Variants in ADCK1 observed in about 807,000 individuals in gnomAD.
ADCK1 encodes the protein aarF domain-containing protein kinase 1.
Under a neutral mutation model 52.3 loss-of-function variants are expected in ADCK1, and 41 were observed. The ratio of observed to expected loss-of-function variants is 0.78; its 90% CI spans 0.61 to 1.02. The LOEUF (loss-of-function observed/expected upper bound fraction) is 1.02, where lower values mean the gene tolerates loss of function less well. Ranked by LOEUF, ADCK1 falls within the 50% of genes least tolerant of loss-of-function variation. The pLI, the probability that ADCK1 is intolerant of heterozygous loss-of-function variation, is 0.00. For missense variants in ADCK1, 658 were observed against 679.5 expected (o/e 0.97, Z 0.35); for synonymous variants, 250 against 274.6 (o/e 0.91, Z 0.89).
chr14:77,920,649 T>C (rs2084027480), intron 7 of ADCK1, among the ~76,000 whole-genome samples: 1 of 152,214 alleles, frequency 6.6e-6, no homozygotes, highest in African/African-American at 2.4e-5. Flanking sequence ...TTAGTTTTAC[T>C]TTTAATTTAT....
chr14:77,914,936 C>A (rs1420422897), intron 7 of ADCK1, among the ~76,000 whole-genome samples: 2 of 152,058 alleles, frequency 1.3e-5, no homozygotes, highest in Non-Finnish European at 2.9e-5. Context: ...TATGGTACCC[C>A]CTTACCCCCA....
chr14:77,827,149 C>T (rs1046501876), intron 3 of ADCK1, among the ~76,000 whole-genome samples: 1 of 151,298 alleles, frequency 6.6e-6, no homozygotes, highest in Non-Finnish European at 1.5e-5. Context: ...GTCAAGAGAT[C>T]GAGACCATCC....
chr14:77,891,364 C>A lies in ADCK1; in HGVS notation c.582+4115C>A, dbSNP rs143957600. ...GAGAGACCTGGGAGACTTGGAGGAT[C>A]CCAGGGTTTCCTGAATCCCAGAAGC... On this transcript the variant is annotated intron_variant, in intron 5 of 10. Coordinates refer to ENST00000238561, the MANE Select transcript of ADCK1 (RefSeq NM_020421.4). 5.9e-5 allele frequency among the ~76,000 whole-genome samples: 9 copies of A among 152,264 alleles called. No individual in the cohort carries two copies. In the East Asian group the frequency reaches 1.4e-3, roughly 23 times the overall value.
At chr14:77,869,170 T>G (rs948041349) in intron 4 of ADCK1, among the ~76,000 whole-genome samples, 2 of 152,190 alleles carry the variant, frequency 1.3e-5, no homozygotes, top group Non-Finnish European at 1.5e-5. Flanking sequence ...CGTATTGGTT[T>G]TCTCGGGCTA....
rs145727714 is a variant in ADCK1 at position 77,933,711 on chromosome 14, C to T, written c.*320C>T. On this transcript the variant is annotated 3_prime_UTR_variant, in exon 11 of 11. Coordinates refer to ENST00000238561, the MANE Select transcript of ADCK1 (RefSeq NM_020421.4). ...CCCTTCCCATTGTCAAGATGTGCCA[C>T]GGGTGCCACTGGGGGCACACTGAAC... 5.0e-5 allele frequency: 14 copies of T among 281,686 alleles called. No individual in the cohort carries two copies. Among genetic ancestry groups the T allele is most frequent in the African/African-American group, 1.3e-4 (6 of 47,160 alleles). The allele number at this position is 281,686 out of a possible 1,614,324, so 17.4% of individuals were successfully genotyped here. A position where few individuals can be genotyped will look rare whatever the true frequency, so the allele number is the denominator to read the frequency against.
At chr14:77,889,574 G>GC (rs952048710) in intron 5 of ADCK1, among the ~76,000 whole-genome samples, 8 of 152,080 alleles carry the variant, frequency 5.3e-5, no homozygotes, top group South Asian at 2.1e-4. Context: ...ATCTCCTCTT[G>GC]CCCCCCCAGT....
intron 3 of ADCK1, among the ~76,000 whole-genome samples, chr14:77,828,133 T>C (rs1031403434): frequency 2.6e-5 from 4 of 151,918 alleles, no homozygotes; most frequent in African/African-American, 9.7e-5. Flanking sequence ...CAGCCCAATT[T>C]TTGTGTTTTT....
At chr14:77,867,400 C>G (rs976178099) in intron 4 of ADCK1, among the ~76,000 whole-genome samples, 1 of 152,168 alleles carries the variant, frequency 6.6e-6, no homozygotes, top group Non-Finnish European at 1.5e-5. Context: ...CCAGCTGGGC[C>G]TCATCCTGCC....
chr14:77,860,842 G>A (rs573522273), intron 4 of ADCK1, among the ~76,000 whole-genome samples: 6 of 152,226 alleles, frequency 3.9e-5, no homozygotes, highest in Non-Finnish European at 8.8e-5. Flanking sequence ...AGTGTGAAGT[G>A]CATCATTGCT....
chr14:77,845,182 T>C (rs1022876198), intron 3 of ADCK1, among the ~76,000 whole-genome samples: 2 of 152,216 alleles, frequency 1.3e-5, no homozygotes, highest in Non-Finnish European at 2.9e-5. Flanking sequence ...TTCTAAGAGG[T>C]ATTTCATTAT....
At chr14:77,855,096 C>T (rs2082390641) in intron 3 of ADCK1, among the ~76,000 whole-genome samples, 1 of 152,232 alleles carries the variant, frequency 6.6e-6, no homozygotes. Context: ...TTCCTGCTTT[C>T]CCCCTCTGCC....
intron 3 of ADCK1, among the ~76,000 whole-genome samples, chr14:77,827,488 G>A (rs1458940903): frequency 6.7e-6 from 1 of 150,206 alleles, no homozygotes; most frequent in Non-Finnish European, 1.5e-5. Flanking sequence ...TTTGAGTTAA[G>A]TTTGCTGTTT....
intron 3 of ADCK1, among the ~76,000 whole-genome samples, chr14:77,841,917 T>C (rs550521185): frequency 1.3e-5 from 2 of 151,468 alleles, no homozygotes; most frequent in African/African-American, 4.9e-5. Flanking sequence ...CCCAGCACTT[T>C]AGGAGGCTGA....
intron 2 of ADCK1, among the ~76,000 whole-genome samples, chr14:77,821,709 C>T (rs2081586162): frequency 6.6e-6 from 1 of 151,678 alleles, no homozygotes; most frequent in Admixed American, 6.6e-5. Flanking sequence ...GGCGAAATCC[C>T]ATCTCTACTA....
At position 77,834,637 on chromosome 14, in the gene ADCK1, G is replaced by A. The variant is rs569270427; in HGVS notation, c.219+12119G>A. On this transcript the variant is annotated intron_variant, in intron 3 of 10. Transcript: ENST00000238561. Reference sequence around the variant, plus strand: ...CCTGGGTTTTTGGTGGTATGAGCCCGTTGCTGTGTGCTGGGCATCTCTCCA... The same window carrying A: ...CCTGGGTTTTTGGTGGTATGAGCCCATTGCTGTGTGCTGGGCATCTCTCCA... 3.8e-3 allele frequency among the ~76,000 whole-genome samples: 577 copies of A among 152,340 alleles called. 6 individuals carry two copies. Among genetic ancestry groups the A allele is most frequent in the Non-Finnish European group, 6.8e-3 (464 of 68,036 alleles).
chr14:77,897,566 A>T (rs564950852), intron 5 of ADCK1, among the ~76,000 whole-genome samples: 3 of 152,168 alleles, frequency 2.0e-5, no homozygotes, highest in Non-Finnish European at 2.9e-5. Context: ...TTAACATGTC[A>T]TCACTCAAGA....
chr14:77,863,844 A>G (rs2082605533), intron 4 of ADCK1, among the ~76,000 whole-genome samples: 1 of 150,250 alleles, frequency 6.7e-6, no homozygotes. Context: ...CTCAAAAAGA[A>G]AAAAAAAAAG....
intron 3 of ADCK1, among the ~76,000 whole-genome samples, chr14:77,844,560 C>T (rs957700457): frequency 3.3e-5 from 5 of 152,242 alleles, no homozygotes; most frequent in South Asian, 2.1e-4. Flanking sequence ...GAGCCGGCCC[C>T]GTCAGGTCCA....
chr14:77,804,819 T>G (rs74063667), intron 1 of ADCK1, among the ~76,000 whole-genome samples: 4,450 of 152,260 alleles, frequency 0.029, 208 homozygotes, highest in African/African-American at 0.099. Flanking sequence ...CAGCCTGAGG[T>G]TCAATTCTGG....
Sources: gnomAD v4.1 joint callset for allele counts (sites outside exome capture counted in the v4.1 genomes callset) on GRCh38, gnomAD v4.1.1 for gene constraint, MANE v1.5 for transcripts, NCBI Gene and HGNC (gene_info 2026-07-23, HGNC 2026-07-21) for gene names.